MACF1: variants seen among roughly 807,000 people sequenced by gnomAD.
MACF1 encodes microtubule actin crosslinking factor 1, also known as microtubule-actin cross-linking factor 1.
In MACF1, 193 loss-of-function variants were observed where a neutral mutation model predicts 854.8. That is an observed-to-expected ratio of 0.23 (90% CI 0.20 to 0.25). MACF1 has a LOEUF of 0.25. Ranked by LOEUF, MACF1 falls within the 10% of genes least tolerant of loss-of-function variation. The pLI is 1.00. For synonymous variants in MACF1, 3,185 were observed against 3,226.7 expected, an observed-to-expected ratio of 0.99 and a Z score of 0.44; for missense variants, 7,722 against 8,929.1, an observed-to-expected ratio of 0.86 and a Z score of 5.45.
intron 2 of MACF1, among the ~76,000 whole-genome samples, chr1:39,098,850 G>C (rs972251138): frequency 6.6e-6 from 1 of 152,188 alleles, no homozygotes; most frequent in Non-Finnish European, 1.5e-5. Context: ...ATGAGAGCAG[G>C]CAAAGGCTTC....
Position 39,353,254 on chromosome 1 carries a change from A to G in MACF1, c.11424+23A>G, listed in dbSNP as rs758871718. On this transcript the variant is annotated intron_variant, in intron 44 of 100. Coordinates refer to ENST00000564288, the MANE Select transcript of MACF1 (RefSeq NM_001394062.1). The stretch of plus-strand genomic sequence containing the variant: ...AAGGTAAGGGTGTTAGCTTATCCTC[A>G]CTATGCTAGAGAAATCTCTCCTGCC... The G allele has an allele frequency of 1.5e-5, 23 of 1,553,624 alleles. No homozygotes were observed. In the East Asian group the frequency reaches 2.5e-4, roughly 17 times the overall value.
intron 6 of MACF1, among the ~76,000 whole-genome samples, chr1:39,267,112 TAGAAG>T (rs1413256699): frequency 1.3e-5 from 2 of 152,354 alleles, no homozygotes; most frequent in East Asian, 1.9e-4. Context: ...CTGCAGTAGT[TAGAAG>T]AGAGTAGTTG....
At chr1:39,450,905 C>G in intron 84 of MACF1, 147 bp from the exon 85 acceptor site, 1 of 889,176 alleles carries the variant, frequency 1.1e-6, no homozygotes, top group South Asian at 1.7e-5. Context: ...GCCACCGCGC[C>G]CGGCCTTTAC....
chr1:39,208,374 C>G (rs1427698620), intron 1 of MACF1, among the ~76,000 whole-genome samples: 2 of 151,966 alleles, frequency 1.3e-5, no homozygotes, highest in Non-Finnish European at 2.9e-5. Flanking sequence ...CAGTAGCACC[C>G]TGTTAACACT....
In MACF1 at chr1:39,335,471, G is replaced by A. The variant is rs1244288648; in HGVS notation, c.8883G>A (p.Gln2961=). ...CGTCAGGCAAATTGCCGAGTGAGCA[G>A]GTTTTGCAGCAACCAATGAATGCTC... ...CETSGKLPSE[Q]VLQQPMNARV... Residue 2961 remains glutamine, a synonymous_variant, in exon 37 of 101, where the codon CAG becomes CAA. Transcript: ENST00000564288. 2 of 1,614,078 alleles carry A rather than the reference G, an allele frequency of 1.2e-6. No homozygotes were observed. The highest frequency in any genetic ancestry group is 1.3e-5 in the African/African-American group (1 of 74,930).
chr1:39,419,689 G>A (rs568877961), intron 58 of MACF1, among the ~76,000 whole-genome samples: 1 of 152,054 alleles, frequency 6.6e-6, no homozygotes, highest in East Asian at 1.9e-4. Context: ...CTGGAGTGCA[G>A]TGGCATGATC....
At chr1:39,239,738 G>C (rs1032842499) in intron 2 of MACF1, among the ~76,000 whole-genome samples, 5 of 152,174 alleles carry the variant, frequency 3.3e-5, no homozygotes, top group Non-Finnish European at 1.5e-5. Context: ...TTAGTAGTTA[G>C]AAAGGAAAAG....
At chr1:39,136,389 G>A (rs539650192) in intron 2 of MACF1, among the ~76,000 whole-genome samples, 1 of 152,332 alleles carries the variant, frequency 6.6e-6, no homozygotes, top group South Asian at 2.1e-4. Flanking sequence ...CATGGGTGGA[G>A]GGTGAGGAGA....
intron 97 of MACF1, among the ~76,000 whole-genome samples, chr1:39,477,633 G>A (rs1644933787): frequency 6.6e-6 from 1 of 152,028 alleles, no homozygotes. Context: ...GGGAGGAGTG[G>A]AGACAGCGAA....
Position 39,340,889 on chromosome 1 carries a change from A to G in MACF1, c.10517A>G (p.Asn3506Ser). ...AWVGNKNLIL[N>S]SKGSNSEIDV... ...GTTGGCAATAAAAATCTTATTCTGA[A>G]CAGCAAGGGATCTAACAGTGAAATA... Residue 3506 changes from asparagine to serine, a missense_variant, in exon 40 of 101, where the codon AAC (asparagine) becomes AGC (serine). Around this residue, in one of 15 missense-constraint regions of MACF1, gnomAD observed 854 missense variants for 852.6 expected, o/e 1.00. Coordinates refer to ENST00000564288, the MANE Select transcript of MACF1 (RefSeq NM_001394062.1). The G allele has an allele frequency of 3.7e-6, 6 of 1,614,012 alleles. No homozygotes were observed. Among genetic ancestry groups the G allele is most frequent in the Non-Finnish European group, 5.1e-6 (6 of 1,179,900 alleles).
Position 39,105,754 on chromosome 1 carries a change from G to GCC in MACF1, c.220+21317_220+21318dup. The GCC allele has an allele frequency of 1.8e-6, 2 of 1,101,360 alleles. No individual in the cohort carries two copies. Among genetic ancestry groups the GCC allele is most frequent in the Non-Finnish European group, 2.3e-6 (2 of 888,602 alleles). 68.2% of individuals were successfully genotyped at this position (1,101,360 alleles called of 1,614,324 possible). On this transcript the variant is annotated intron_variant, in intron 2 of 93. Coordinates refer to the MACF1 transcript ENST00000361689. The surrounding 1 kb of genome is among the most constrained non-coding windows in gnomAD (Gnocchi z 5.9). ...GACTGGCCGGCGCTGAGGCCCGCGG[G>GCC]CCGGCGCAGCGTGGCCTTCGGAGCC...
intron 44 of MACF1, among the ~76,000 whole-genome samples, chr1:39,356,726 A>G (rs1647612504): frequency 1.3e-5 from 2 of 152,170 alleles, no homozygotes; most frequent in Non-Finnish European, 2.9e-5. Context: ...CCCTTCCACT[A>G]ATGTAGATGA....
Position 39,430,713 on chromosome 1 carries a change from G to A in MACF1, c.17142G>A (p.Lys5714=). The A allele has an allele frequency of 6.2e-7, 1 of 1,611,966 alleles. No homozygotes were observed. The highest frequency in any genetic ancestry group is 1.1e-5 in the South Asian group (1 of 90,966). The change falls in exon 66 of 101, where the codon AAG becomes AAA. Residue 5714 remains lysine (K), a synonymous_variant. Coordinates refer to ENST00000564288, the MANE Select transcript of MACF1 (RefSeq NM_001394062.1). ...QFQQRQKELK[K]EVMEHRLVLD... is the part of the protein sequence containing the mutation. ...TTTTCCCTCCTTAGGAATTAAAGAA[G>A]GAGGTCATGGAGCACAGGCTGGTGT... is the stretch of plus-strand genomic sequence containing the variant.
intron 29 of MACF1, 123 bp downstream of exon 29, chr1:39,317,530 A>T (rs563867698): frequency 1.8e-6 from 2 of 1,098,052 alleles, no homozygotes; most frequent in South Asian, 1.7e-5. Flanking sequence ...GTGGAAATTT[A>T]AAAACCACAT....
chr1:39,285,664 A>T lies in MACF1; in HGVS notation c.1414A>T (p.Ile472Phe). 1 of 1,614,048 alleles carries T rather than the reference A, an allele frequency of 6.2e-7. No homozygotes were observed. The highest frequency in any genetic ancestry group is 8.5e-7 in the Non-Finnish European group (1 of 1,179,968). Residue 472 changes from isoleucine (I) to phenylalanine (F), a missense_variant, in exon 14 of 101, where the codon ATT becomes TTT. Physicochemically the swap from Ile to Phe is conservative, Grantham distance 21 (BLOSUM62 0). Transcript: ENST00000564288. ...ATGTGAGTCAGATGTCATTATGTAC[A>T]TTCAGGAGTGTGAAGGTCTCATCAG... ...VQCESDVIMY[I>F]QECEGLIRQL...
Position 39,353,089 on chromosome 1 carries a change from G to A in MACF1, c.11282G>A (p.Gly3761Asp). The part of the protein sequence containing the change: ...LDWVTSVGSS[G>D]GQLLTNLPGM... ...TGGGTAACTTCAGTAGGATCATCTG[G>A]TGGACAGCTGCTGACCAACCTTCCA... is the stretch of plus-strand genomic sequence containing the variant. Residue 3761 changes from glycine to aspartate, a missense_variant, in exon 44 of 101, where the codon GGT (glycine) becomes GAT (aspartate). Gly to Asp is a moderately conservative substitution (Grantham distance 94). This residue lies in a region of MACF1 where 2,807 missense variants were observed against 3,235.8 expected (regional missense o/e 0.87). Coordinates refer to ENST00000564288, the MANE Select transcript of MACF1 (RefSeq NM_001394062.1). 1.2e-6 allele frequency: 2 copies of A among 1,614,074 alleles called. No homozygotes were observed. The highest frequency in any genetic ancestry group is 1.7e-6 in the Non-Finnish European group (2 of 1,180,010).
chr1:39,369,175 A>G (rs1649011450), intron 50 of MACF1, among the ~76,000 whole-genome samples: 1 of 152,018 alleles, frequency 6.6e-6, no homozygotes, highest in Non-Finnish European at 1.5e-5. Flanking sequence ...TTGCTATTTT[A>G]GAAGAGTATC....
chr1:39,362,409 A>G (rs773989183), intron 49 of MACF1, among the ~76,000 whole-genome samples: 1 of 152,186 alleles, frequency 6.6e-6, no homozygotes, highest in Non-Finnish European at 1.5e-5. Flanking sequence ...AACTTACAGA[A>G]AAGCAGAAGA....
intron 69 of MACF1, 44 bp downstream of exon 69, chr1:39,434,676 T>C: frequency 6.5e-7 from 1 of 1,547,568 alleles, no homozygotes; most frequent in Non-Finnish European, 8.8e-7. Flanking sequence ...TAAAATGGTC[T>C]CTATAATTTA....
Sources: allele counts gnomAD v4.1 joint callset (sites outside exome capture counted in the v4.1 genomes callset), GRCh38; gene constraint gnomAD v4.1.1; regional missense constraint gnomAD v4.1.1; non-coding constraint Gnocchi (gnomAD v3.1); transcripts MANE v1.5; gene names NCBI Gene and HGNC (gene_info 2026-07-23, HGNC 2026-07-21).